MIPOL1: variants seen among roughly 807,000 people sequenced by gnomAD.
The protein encoded by MIPOL1 is mirror-image polydactyly 1.
MIPOL1 carries 57 observed loss-of-function variants against 60.9 expected under a neutral mutation model. The observed-to-expected ratio is 0.94, with a 90% confidence interval of 0.76 to 1.17. The LOEUF is 1.17. Among genes scored for constraint, MIPOL1 ranks in the 50% most tolerant of loss-of-function variants. The probability of loss-of-function intolerance (pLI) is 0.00; values close to 1 mark genes in which losing one functional copy is unlikely to be tolerated. For synonymous variants in MIPOL1, 179 were observed against 168.8 expected, an observed-to-expected ratio of 1.06 and a Z score of -0.47; for missense variants, 551 against 511.6, an observed-to-expected ratio of 1.08 and a Z score of -0.74.
rs549646910 is a variant in MIPOL1 at position 37,391,935 on chromosome 14, GA to G, written c.936+22314del. On this transcript the variant is annotated intron_variant, in intron 10 of 12. Transcript: ENST00000684589. Reference sequence around the variant, plus strand: ...TTGAATTTAGGAACTAATGAAGGGGGAAAGTGATATAATAGGATATACTTAA... The same window carrying G: ...TTGAATTTAGGAACTAATGAAGGGGGAAGTGATATAATAGGATATACTTAA... 2.0e-3 allele frequency among the ~76,000 whole-genome samples: 309 copies of G among 152,052 alleles called. 1 individual carries two copies. Among genetic ancestry groups the G allele is most frequent in the Middle Eastern group, 0.01 (3 of 294 alleles).
chr14:37,304,117 G>C lies in MIPOL1; in HGVS notation c.624-3939G>C, dbSNP rs192022130. 1.7e-3 allele frequency among the ~76,000 whole-genome samples: 265 copies of C among 151,708 alleles called. 1 individual carries two copies. The highest frequency in any genetic ancestry group is 6.3e-3 in the African/African-American group (261 of 41,464). On this transcript the variant is annotated intron_variant, in intron 7 of 12. Transcript: ENST00000684589. ...TTGCTTGACTGAAAGGTATATTTGGGGGCATCGAGTATACGATAAAATTAT... is the reference window on the plus strand; with the variant it reads ...TTGCTTGACTGAAAGGTATATTTGGCGGCATCGAGTATACGATAAAATTAT...
chr14:37,324,994 A>G (rs2088995161), intron 9 of MIPOL1, among the ~76,000 whole-genome samples: 1 of 152,058 alleles, frequency 6.6e-6, no homozygotes, highest in South Asian at 2.1e-4. Flanking sequence ...TTCTTTTGTA[A>G]GGTTGTTTTG....
chr14:37,250,774 T>TA (rs1382248014), intron 3 of MIPOL1, among the ~76,000 whole-genome samples: 15 of 152,230 alleles, frequency 9.9e-5, no homozygotes, highest in Non-Finnish European at 2.1e-4. Context: ...TTACTAATTT[T>TA]AAAAGAAATT....
At chr14:37,234,942 A>ATTTTTTTTTTTTTTTTTTTT (rs5807941) in intron 1 of MIPOL1, among the ~76,000 whole-genome samples, 2 of 116,830 alleles carry the variant, frequency 1.7e-5, no homozygotes, top group Non-Finnish European at 1.7e-5. Context: ...CGTACGGCTA[A>ATTTTTTTTTTTTTTTTTTTT]TTTTTTTTTT....
intron 6 of MIPOL1, among the ~76,000 whole-genome samples, chr14:37,283,529 T>C (rs1372062079): frequency 6.6e-6 from 1 of 152,188 alleles, no homozygotes; most frequent in Non-Finnish European, 1.5e-5. Context: ...GGCTAAAAAT[T>C]GAGGAATTTT....
chr14:37,532,335 A>G (rs1026205011), intron 12 of MIPOL1, among the ~76,000 whole-genome samples: 7 of 152,134 alleles, frequency 4.6e-5, no homozygotes, highest in African/African-American at 1.4e-4. Flanking sequence ...ATGTGTTCCT[A>G]TGTTACTAAC....
chr14:37,373,761 A>G (rs1000701947), intron 10 of MIPOL1, among the ~76,000 whole-genome samples: 1 of 152,182 alleles, frequency 6.6e-6, no homozygotes, highest in Non-Finnish European at 1.5e-5. Flanking sequence ...TATATGTGCC[A>G]CATTTTCTTT....
At chr14:37,307,372 A>AG (rs1310831901) in intron 7 of MIPOL1, among the ~76,000 whole-genome samples, 5 of 151,866 alleles carry the variant, frequency 3.3e-5, no homozygotes, top group Non-Finnish European at 7.4e-5. Context: ...CCTTTACTGC[A>AG]TTTCTTTAAT....
intron 11 of MIPOL1, among the ~76,000 whole-genome samples, chr14:37,483,960 T>C (rs1332629573): frequency 6.6e-6 from 1 of 152,196 alleles, no homozygotes; most frequent in Non-Finnish European, 1.5e-5. Flanking sequence ...CAAAGAAATG[T>C]CTGCATTTCC....
intron 10 of MIPOL1, among the ~76,000 whole-genome samples, chr14:37,390,694 T>A (rs1190977656): frequency 6.6e-6 from 1 of 151,930 alleles, no homozygotes; most frequent in African/African-American, 2.4e-5. Flanking sequence ...ACAGGATTAG[T>A]AAACTAGATA....
At chr14:37,469,844 A>C (rs2094656175) in intron 11 of MIPOL1, among the ~76,000 whole-genome samples, 1 of 152,144 alleles carries the variant, frequency 6.6e-6, no homozygotes, top group South Asian at 2.1e-4. Flanking sequence ...CCCTCACCAG[A>C]TGCCAGTGCC....
At chr14:37,423,556 G>A (rs2093912132) in intron 11 of MIPOL1, 1 of 151,868 alleles carries the variant, frequency 6.6e-6, no homozygotes, top group African/African-American at 2.4e-5. Flanking sequence ...AAAAGATTTT[G>A]TATTGGGTTA....
At chr14:37,334,633 C>T (rs1463316212) in intron 9 of MIPOL1, among the ~76,000 whole-genome samples, 1 of 151,822 alleles carries the variant, frequency 6.6e-6, no homozygotes, top group Non-Finnish European at 1.5e-5. Flanking sequence ...CCAAAAGAAC[C>T]CCTGTACCCA....
At chr14:37,456,543 A>G (rs1406668904) in intron 11 of MIPOL1, among the ~76,000 whole-genome samples, 1 of 152,156 alleles carries the variant, frequency 6.6e-6, no homozygotes, top group Non-Finnish European at 1.5e-5. Flanking sequence ...TCTTGCCGTA[A>G]TCCACTATTT....
At chr14:37,307,049 T>C (rs966750535) in intron 7 of MIPOL1, among the ~76,000 whole-genome samples, 2 of 151,724 alleles carry the variant, frequency 1.3e-5, no homozygotes, top group African/African-American at 4.8e-5. Context: ...TTTCCATGAG[T>C]GTAGTAATTT....
intron 7 of MIPOL1, among the ~76,000 whole-genome samples, chr14:37,297,266 A>G (rs910609960): frequency 6.6e-6 from 1 of 152,224 alleles, no homozygotes; most frequent in Admixed American, 6.5e-5. Context: ...CCTTCATGCT[A>G]AAAACTCTCA....
chr14:37,549,373 C>T lies in MIPOL1; in HGVS notation c.*2402C>T, dbSNP rs1228482026. On this transcript the variant is annotated 3_prime_UTR_variant, in exon 13 of 13. Coordinates refer to ENST00000684589, the MANE Select transcript of MIPOL1 (RefSeq NM_001388067.1). ...CATCTGTTTTTTCATTTGATCCTAT[C>T]GACAATCATAATAATAATAAATTAT... The T allele has an allele frequency of 1.3e-5, 2 of 151,468 alleles. No individual in the cohort carries two copies. The highest frequency in any genetic ancestry group is 1.3e-4 in the Admixed American group (2 of 15,200). 9.4% of individuals were successfully genotyped at this position (151,468 alleles called of 1,614,324 possible).
At chr14:37,484,005 T>C (rs924734601) in intron 11 of MIPOL1, among the ~76,000 whole-genome samples, 1 of 152,200 alleles carries the variant, frequency 6.6e-6, no homozygotes, top group African/African-American at 2.4e-5. Flanking sequence ...ATAGCCAAGT[T>C]ATGGAATCAA....
intron 12 of MIPOL1, among the ~76,000 whole-genome samples, chr14:37,541,486 A>G (rs913101483): frequency 6.6e-6 from 1 of 152,232 alleles, no homozygotes; most frequent in African/African-American, 2.4e-5. Context: ...GGAAAAAATT[A>G]TACCACAATG....
Sources: gnomAD v4.1 joint callset for allele counts (sites outside exome capture counted in the v4.1 genomes callset) on GRCh38, gnomAD v4.1.1 for gene constraint, MANE v1.5 for transcripts, NCBI Gene and HGNC (gene_info 2026-07-23, HGNC 2026-07-21) for gene names.